Variants in BORCS5 observed in about 807,000 individuals in gnomAD.
BORCS5 encodes BLOC-1-related complex subunit 5.
Under a neutral mutation model 22.1 loss-of-function variants are expected in BORCS5, and 17 were observed. That is an observed-to-expected ratio of 0.77 (90% CI 0.53 to 1.15). BORCS5 has a LOEUF of 1.15. BORCS5 is among the 50% of genes most tolerant of loss of function. BORCS5 has a pLI of 0.00. For missense variants in BORCS5, 247 were observed against 253.2 expected, an observed-to-expected ratio of 0.98 and a Z score of 0.17; for synonymous variants, 117 against 99.8, an observed-to-expected ratio of 1.17 and a Z score of -1.03.
rs558958160 is a variant in BORCS5 at position 12,372,778 on chromosome 12, T to C, written c.202+11429T>C. ...CTTCAGAAAATATTTGGCCTACTGC[T>C]TCTCTCTAGTTTTCTCCAGTCTCTG... On this transcript the variant is annotated intron_variant, in intron 2 of 3. Coordinates refer to ENST00000314565, the MANE Select transcript of BORCS5 (RefSeq NM_058169.6). Among the ~76,000 whole-genome samples, 6 of 152,274 alleles carry C rather than the reference T, an allele frequency of 3.9e-5. No individual in the cohort carries two copies. The East Asian group carries it at 1.2e-3, about 29-fold the overall frequency.
At chr12:12,427,224 A>G (rs1445556485) in intron 2 of BORCS5, among the ~76,000 whole-genome samples, 4 of 119,570 alleles carry the variant, frequency 3.3e-5, no homozygotes, top group Non-Finnish European at 6.4e-5. Flanking sequence ...ACTCTCGTCC[A>G]GGCTGGAGTT....
intron 2 of BORCS5, among the ~76,000 whole-genome samples, chr12:12,405,810 C>T (rs565363409): frequency 1.4e-4 from 22 of 152,214 alleles, no homozygotes; most frequent in Non-Finnish European, 2.8e-4. Context: ...TTTACTAATA[C>T]AGAAACTGAA....
At chr12:12,413,850 T>C (rs1280251629) in intron 2 of BORCS5, among the ~76,000 whole-genome samples, 1 of 57,218 alleles carries the variant, frequency 1.7e-5, no homozygotes, top group Non-Finnish European at 3.4e-5. Flanking sequence ...CCCCCCCACC[T>C]CCCTCCCGGA....
At position 12,421,541 on chromosome 12, in the gene BORCS5, G is replaced by C. The variant is rs139568776; in HGVS notation, c.203-14087G>C. Among the ~76,000 whole-genome samples the C allele has an allele frequency of 1.5e-3, 231 of 152,246 alleles. 3 individuals carry two copies. Among genetic ancestry groups the C allele is most frequent in the African/African-American group, 5.4e-3 (224 of 41,538 alleles). ...TTTTGTTATGTCTCTGCCAGGCTTT[G>C]GTATCAGGATGCTGCTGGCCTCATA... On this transcript the variant is annotated intron_variant, in intron 2 of 3. Transcript: ENST00000314565.
At chr12:12,374,574 A>T (rs1379147009) in intron 2 of BORCS5, among the ~76,000 whole-genome samples, 1 of 151,970 alleles carries the variant, frequency 6.6e-6, no homozygotes, top group African/African-American at 2.4e-5. Context: ...TGGGAGGTCG[A>T]GCGGTGTTCA....
intron 2 of BORCS5, among the ~76,000 whole-genome samples, chr12:12,385,329 C>T (rs1304012619): frequency 6.6e-6 from 1 of 151,370 alleles, no homozygotes; most frequent in Non-Finnish European, 1.5e-5. Context: ...ACTGATGACA[C>T]CGCTGGATGT....
chr12:12,460,665 C>T (rs1943087518), intron 3 of BORCS5, among the ~76,000 whole-genome samples: 1 of 152,276 alleles, frequency 6.6e-6, no homozygotes, highest in South Asian at 2.1e-4. Flanking sequence ...CCTTCTGTTC[C>T]TACTTTGCTG....
chr12:12,460,213 A>G (rs1470939821), intron 3 of BORCS5, among the ~76,000 whole-genome samples: 1 of 152,234 alleles, frequency 6.6e-6, no homozygotes, highest in African/African-American at 2.4e-5. Context: ...ATATCAGTGT[A>G]CAGATCTTAT....
chr12:12,436,834 T>C (rs1942566387), intron 3 of BORCS5, among the ~76,000 whole-genome samples: 2 of 152,268 alleles, frequency 1.3e-5, no homozygotes, highest in Non-Finnish European at 2.9e-5. Context: ...TACTCTTCTC[T>C]CATGGGTTAA....
intron 2 of BORCS5, among the ~76,000 whole-genome samples, chr12:12,390,216 G>C (rs1050112287): frequency 5.9e-5 from 9 of 152,230 alleles, no homozygotes; most frequent in African/African-American, 2.2e-4. Context: ...CACTGTTCTA[G>C]GAGGTGAGGG....
At chr12:12,365,986 T>G (rs1379352767) in intron 2 of BORCS5, among the ~76,000 whole-genome samples, 1 of 152,204 alleles carries the variant, frequency 6.6e-6, no homozygotes, top group Non-Finnish European at 1.5e-5. Flanking sequence ...CAGCATTTGT[T>G]GCAGAGCCTC....
At chr12:12,448,527 C>CTTTTTTTTTTT (rs34937700) in intron 3 of BORCS5, among the ~76,000 whole-genome samples, 1 of 142,406 alleles carries the variant, frequency 7.0e-6, no homozygotes. Flanking sequence ...GTCTTCAATT[C>CTTTTTTTTTTT]TTTTTTTTTT....
intron 2 of BORCS5, among the ~76,000 whole-genome samples, chr12:12,413,777 G>A (rs1941814811): frequency 1.2e-5 from 1 of 82,210 alleles, no homozygotes; most frequent in African/African-American, 6.8e-5. Flanking sequence ...TTCCCAGTAG[G>A]GGCGGCCGGG....
At chr12:12,380,701 CA>C (rs757307432) in intron 2 of BORCS5, among the ~76,000 whole-genome samples, 2 of 151,318 alleles carry the variant, frequency 1.3e-5, no homozygotes, top group Non-Finnish European at 3.0e-5. Flanking sequence ...AAACTTTTTT[CA>C]AAATTACCAT....
chr12:12,373,629 G>A (rs1161592812), intron 2 of BORCS5, among the ~76,000 whole-genome samples: 3 of 152,016 alleles, frequency 2.0e-5, no homozygotes, highest in Non-Finnish European at 1.5e-5. Context: ...TTACTTATAA[G>A]ACCCTCCTGC....
intron 3 of BORCS5, among the ~76,000 whole-genome samples, chr12:12,438,028 C>G (rs2136127866): frequency 6.6e-6 from 1 of 152,252 alleles, no homozygotes; most frequent in African/African-American, 2.4e-5. Context: ...TGCCCCTAGC[C>G]AGACTCTACC....
At position 12,469,603 on chromosome 12, in the gene BORCS5, A is replaced by T. The variant is rs1005044024; in HGVS notation, c.*3827A>T. 1 of 152,232 alleles carries T rather than the reference A, an allele frequency of 6.6e-6. No individual in the cohort carries two copies. The highest frequency in any genetic ancestry group is 2.4e-5 in the African/African-American group (1 of 41,452). 9.4% of individuals were successfully genotyped at this position (152,232 alleles called of 1,614,324 possible). On this transcript the variant is annotated 3_prime_UTR_variant, in exon 4 of 4. Coordinates refer to ENST00000314565, the MANE Select transcript of BORCS5 (RefSeq NM_058169.6). ...TTGTGTTGATTTGTAGAACTTACTTAGCTTTGGCATTTCCCCTAGTAATTC... is the reference window on the plus strand; with the variant it reads ...TTGTGTTGATTTGTAGAACTTACTTTGCTTTGGCATTTCCCCTAGTAATTC...
intron 3 of BORCS5, among the ~76,000 whole-genome samples, chr12:12,449,772 G>A (rs750201275): frequency 1.2e-4 from 18 of 152,196 alleles, no homozygotes; most frequent in Non-Finnish European, 2.2e-4. Flanking sequence ...TGAAAACATT[G>A]GCGACAGTCG....
intron 2 of BORCS5, among the ~76,000 whole-genome samples, chr12:12,368,480 T>C (rs1348571759): frequency 6.6e-6 from 1 of 152,142 alleles, no homozygotes; most frequent in Non-Finnish European, 1.5e-5. Flanking sequence ...GGTCTTGATC[T>C]GTCATCCAGG....
Sources: allele counts gnomAD v4.1 joint callset (sites outside exome capture counted in the v4.1 genomes callset), GRCh38; gene constraint gnomAD v4.1.1; transcripts MANE v1.5; gene names NCBI Gene and HGNC (gene_info 2026-07-23, HGNC 2026-07-21).